The following FSCN1 variants were observed in gnomAD, a reference collection of about 807,000 sequenced individuals.
FSCN1 encodes the protein fascin.
In FSCN1, 10 loss-of-function variants were observed where a neutral mutation model predicts 39.7. That is an observed-to-expected ratio of 0.25 (90% CI 0.16 to 0.43). The LOEUF (loss-of-function observed/expected upper bound fraction) is 0.43, where lower values mean the gene tolerates loss of function less well. FSCN1 is among the 20% of genes least tolerant of loss of function. The pLI is 1.00. For synonymous variants in FSCN1, 322 were observed against 320.0 expected, an observed-to-expected ratio of 1.01 and a Z score of -0.07; for missense variants, 525 against 723.8, an observed-to-expected ratio of 0.73 and a Z score of 3.15.
rs1019856210 is a variant in FSCN1, at chr7:5,606,638, ACT to A, written c.*1166_*1167del. 2.8e-5 allele frequency: 4 copies of A among 142,980 alleles called. No individual in the cohort carries two copies. The highest frequency in any genetic ancestry group is 5.2e-5 in the African/African-American group (2 of 38,112). The allele number at this position is 142,980 out of a possible 1,614,324, so 8.9% of individuals were successfully genotyped here. ...AAACTGGAAATAGCGAAATAAAATA[ACT>A]CAGTCTGCAGCCCCAGGCCGGCCTG... is the stretch of plus-strand genomic sequence containing the variant. On this transcript the variant is annotated 3_prime_UTR_variant, in exon 5 of 5. Transcript: ENST00000382361. The surrounding 1 kb of genome is among the most constrained non-coding windows in gnomAD (Gnocchi z 5.1).
At chr7:5,601,076 A>G (rs541604741) in intron 1 of FSCN1, among the ~76,000 whole-genome samples, 1 of 151,410 alleles carries the variant, frequency 6.6e-6, no homozygotes, top group African/African-American at 2.4e-5. Context: ...GGTGTGGGCC[A>G]CTGTGCCCGG....
Position 5,593,142 on chromosome 7 carries a change from A to G in FSCN1, c.206A>G (p.Tyr69Cys), listed in dbSNP as rs1458670914. The G allele has an allele frequency of 6.2e-7, 1 of 1,603,280 alleles. No homozygotes were observed. Among genetic ancestry groups the G allele is most frequent in the Admixed American group, 1.7e-5 (1 of 58,826 alleles). Residue 69 changes from tyrosine (Y) to cysteine (C), a missense_variant, in exon 1 of 5, where the codon TAC (tyrosine) becomes TGC (cysteine). By Grantham distance (194) the Tyr-to-Cys change is radical (BLOSUM62 -2). Transcript: ENST00000382361. Reference protein sequence around the residue: ...AVCLRSHLGRYLAADKDGNVT... With the variant: ...AVCLRSHLGRCLAADKDGNVT... ...TGCCTGCGCAGCCACCTGGGCCGCT[A>G]CCTGGCGGCGGACAAGGACGGCAAC...
rs1014092605 is a variant in FSCN1, at chr7:5,596,051, G to C, written c.832+2283G>C. Among the ~76,000 whole-genome samples, 55 of 151,518 alleles carry C rather than the reference G, an allele frequency of 3.6e-4. 1 individual carries two copies. The highest frequency in any genetic ancestry group is 1.3e-3 in the African/African-American group (55 of 41,272). On this transcript the variant is annotated intron_variant, in intron 1 of 4. Coordinates refer to ENST00000382361, the MANE Select transcript of FSCN1 (RefSeq NM_003088.4). ...GGCGCGGGGGTGGGGGTACTTGGGG[G>C]CCGAGGTTGGGGCTCCTCTGGCCTC... is the stretch of plus-strand genomic sequence containing the variant.
chr7:5,593,296 C>G lies in FSCN1; in HGVS notation c.360C>G (p.Ser120=), dbSNP rs61731541. The change falls in exon 1 of 5, where the codon TCC becomes TCG. Residue 120 remains serine (S), a synonymous_variant. Coordinates refer to ENST00000382361, the MANE Select transcript of FSCN1 (RefSeq NM_003088.4). ...TCGGCGGCACCGAGGACCGCCTGTC[C>G]TGCTTCGCGCAGACGGTGTCCCCCG... ...RYFGGTEDRL[S]CFAQTVSPAE... is the part of the protein sequence containing the mutation. 1 of 1,610,658 alleles carries G rather than the reference C, an allele frequency of 6.2e-7. No homozygotes were observed. The highest frequency in any genetic ancestry group is 8.5e-7 in the Non-Finnish European group (1 of 1,179,174).
At chr7:5,594,549 C>G (rs1428168139) in intron 1 of FSCN1, 1 of 152,310 alleles carries the variant, frequency 6.6e-6, no homozygotes, top group Non-Finnish European at 1.5e-5. Flanking sequence ...AGGGGATCGG[C>G]TTTTGCGGTT....
intron 4 of FSCN1, among the ~76,000 whole-genome samples, chr7:5,604,597 TA>T (rs1420600404): frequency 1.3e-5 from 2 of 151,956 alleles, no homozygotes; most frequent in African/African-American, 4.8e-5. Context: ...GCCTCCCAAG[TA>T]GCTGGGATTA....
chr7:5,603,971 A>G lies in FSCN1; in HGVS notation c.1220A>G (p.Asn407Ser). Residue 407 changes from asparagine to serine, a missense_variant, in exon 4 of 5, where the codon AAC becomes AGC. By Grantham distance (46) the Asn-to-Ser change is conservative. Around this residue, in one of 3 missense-constraint regions of FSCN1, gnomAD observed 275 missense variants for 351.9 expected, o/e 0.78. Transcript: ENST00000382361. The surrounding 1 kb of genome is among the most constrained non-coding windows in gnomAD (Gnocchi z 8.5). The part of the protein sequence containing the change: ...CRKVTGTLDA[N>S]RSSYDVFQLE... ...AAGGTCACGGGCACCCTGGACGCCA[A>G]CCGCTCCAGCTATGACGTCTTCCAG... The G allele has an allele frequency of 6.2e-7, 1 of 1,614,010 alleles. No individual in the cohort carries two copies. Among genetic ancestry groups the G allele is most frequent in the Non-Finnish European group, 8.5e-7 (1 of 1,180,022 alleles).
chr7:5,600,723 G>T (rs1421448456), intron 1 of FSCN1, among the ~76,000 whole-genome samples: 1 of 148,360 alleles, frequency 6.7e-6, no homozygotes, highest in Admixed American at 6.7e-5. Context: ...GCGCGATCTT[G>T]GCTCACTGCA....
At chr7:5,602,887 G>A (rs183708671) in intron 1 of FSCN1, 155 of 242,762 alleles carry the variant, frequency 6.4e-4, no homozygotes, top group African/African-American at 3.3e-3. Flanking sequence ...TTGTAGAGAC[G>A]GGGGTGGGGT....
At position 5,593,524 on chromosome 7, in the gene FSCN1, G is replaced by T; in HGVS notation, c.588G>T (p.Leu196=). The T allele has an allele frequency of 6.2e-7, 1 of 1,602,554 alleles. No homozygotes were observed. Residue 196 remains leucine, a synonymous_variant, in exon 1 of 5, where the codon CTG becomes CTT. Coordinates refer to ENST00000382361, the MANE Select transcript of FSCN1 (RefSeq NM_003088.4). ...YSVQTADHRF[L]RHDGRLVARP... ...TGCAGACCGCCGACCACCGCTTCCT[G>T]CGCCACGACGGGCGCCTGGTGGCGC...
chr7:5,594,045 A>ACC (rs758470979), intron 1 of FSCN1: 4,620 of 275,452 alleles, frequency 0.017, 58 homozygotes, highest in Admixed American at 0.072. Context: ...CACCCTCCTA[A>ACC]CCCCCCCCCC....
At chr7:5,594,777 C>G (rs1036038564) in intron 1 of FSCN1, 1 of 152,212 alleles carries the variant, frequency 6.6e-6, no homozygotes, top group African/African-American at 2.4e-5. Flanking sequence ...CAGCGCGAGC[C>G]GGGAGACCCC....
chr7:5,601,689 A>G (rs957225869), intron 1 of FSCN1, among the ~76,000 whole-genome samples: 1 of 151,950 alleles, frequency 6.6e-6, no homozygotes, highest in African/African-American at 2.4e-5. Context: ...TAGAAAAAAA[A>G]ATTAACTTGA....
intron 4 of FSCN1, 64 bp downstream of exon 4, chr7:5,604,094 G>T: frequency 1.3e-6 from 2 of 1,485,158 alleles, no homozygotes; most frequent in Non-Finnish European, 1.8e-6. Context: ...GGTCAGTGCT[G>T]CGGGGAGCGC....
At chr7:5,600,363 G>A (rs1244815972) in intron 1 of FSCN1, among the ~76,000 whole-genome samples, 3 of 151,686 alleles carry the variant, frequency 2.0e-5, no homozygotes, top group South Asian at 2.1e-4. Context: ...TCAGTGAGGC[G>A]AGATCGTGCC....
intron 1 of FSCN1, 163 bp downstream of exon 1, chr7:5,593,931 G>T: frequency 1.7e-6 from 1 of 584,846 alleles, no homozygotes; most frequent in Non-Finnish European, 3.0e-6. Context: ...CCTGGAGGGG[G>T]CGAGGAGTGG....
intron 1 of FSCN1, chr7:5,594,045 A>ACCCCCCCCCCCCCCCCCCCCCC (rs758470979): frequency 1.1e-5 from 3 of 262,496 alleles, no homozygotes; most frequent in Admixed American, 7.1e-5. Context: ...CACCCTCCTA[A>ACCCCCCCCCCCCCCCCCCCCCC]CCCCCCCCCC....
chr7:5,599,264 G>A lies in FSCN1; in HGVS notation c.833-3993G>A, dbSNP rs1562747304. ...GCTTAAGGGGCCCCAGGGAACCTGGGGGGTGGAGCCCAAGGGGTTCCAAGA... is the reference window on the plus strand; with the variant it reads ...GCTTAAGGGGCCCCAGGGAACCTGGAGGGTGGAGCCCAAGGGGTTCCAAGA... On this transcript the variant is annotated intron_variant, in intron 1 of 4. Coordinates refer to ENST00000382361, the MANE Select transcript of FSCN1 (RefSeq NM_003088.4). The surrounding 1 kb of genome is among the most constrained non-coding windows in gnomAD (Gnocchi z 5.6). Among the ~76,000 whole-genome samples the A allele has an allele frequency of 6.6e-6, 1 of 152,176 alleles. No individual in the cohort carries two copies. Among genetic ancestry groups the A allele is most frequent in the Non-Finnish European group, 1.5e-5 (1 of 68,022 alleles).
Position 5,605,108 on chromosome 7 carries a change from C to T in FSCN1, c.1280-164C>T, listed in dbSNP as rs1393784558. On this transcript the variant is annotated intron_variant, in intron 4 of 4. Coordinates refer to ENST00000382361, the MANE Select transcript of FSCN1 (RefSeq NM_003088.4). This position sits in a 1 kb window ranked among gnomAD's most constrained non-coding sequence, Gnocchi z 6.9. ...CTAGGACCCTTGTTCATGTGTCCAT[C>T]ATGGACAGGAGGACGTGCGGGCCAT... Among the ~76,000 whole-genome samples the T allele has an allele frequency of 6.6e-6, 1 of 152,218 alleles. No homozygotes were observed. Among genetic ancestry groups the T allele is most frequent in the African/African-American group, 2.4e-5 (1 of 41,452 alleles).
Sources: allele counts gnomAD v4.1 joint callset (sites outside exome capture counted in the v4.1 genomes callset), GRCh38; gene constraint gnomAD v4.1.1; regional missense constraint gnomAD v4.1.1; non-coding constraint Gnocchi (gnomAD v3.1); transcripts MANE v1.5; gene names NCBI Gene and HGNC (gene_info 2026-07-23, HGNC 2026-07-21).